The following USO1 variants were observed in gnomAD, a reference collection of about 807,000 sequenced individuals.
USO1 encodes the protein general vesicular transport factor p115.
USO1 carries 57 observed loss-of-function variants against 124.5 expected under a neutral mutation model. The observed-to-expected ratio is 0.46, with a 90% CI of 0.37 to 0.57. The LOEUF is 0.57. Ranked by LOEUF, USO1 falls within the 20% of genes least tolerant of loss-of-function variation. The pLI is 0.00. For synonymous variants in USO1, 369 were observed against 362.8 expected, an observed-to-expected ratio of 1.02 and a Z score of -0.19; for missense variants, 900 against 1,040.6, an observed-to-expected ratio of 0.86 and a Z score of 1.86.
At chr4:75,730,282 A>T (rs1437251641) in intron 1 of USO1, among the ~76,000 whole-genome samples, 1 of 152,210 alleles carries the variant, frequency 6.6e-6, no homozygotes, top group African/African-American at 2.4e-5. Context: ...ATTTGAATAG[A>T]TGTCCATGAA....
chr4:75,806,993 G>A lies in USO1; in HGVS notation c.2376+421G>A, dbSNP rs964865797. ...TTTAGAATTGGAAAAGAGAAGAAAG[G>A]TAAACTTACCTATATCTCAATTAAA... On this transcript the variant is annotated intron_variant, in intron 20 of 23. Transcript: ENST00000514213. 2.6e-5 allele frequency among the ~76,000 whole-genome samples: 4 copies of A among 152,004 alleles called. No homozygotes were observed. The East Asian group carries it at 5.8e-4, about 22-fold the overall frequency.
intron 1 of USO1, among the ~76,000 whole-genome samples, chr4:75,728,125 C>G (rs1198955954): frequency 6.6e-6 from 1 of 152,100 alleles, no homozygotes; most frequent in East Asian, 1.9e-4. Flanking sequence ...TTTTTAAAGA[C>G]TAGAAACTGA....
rs1230585646 is a variant in USO1 at position 75,738,131 on chromosome 4, C to CTAATA, written c.66+13247_66+13251dup. Among the ~76,000 whole-genome samples the CTAATA allele has an allele frequency of 2.0e-5, 3 of 151,376 alleles. No homozygotes were observed. The East Asian group carries it at 5.9e-4, about 30-fold the overall frequency. On this transcript the variant is annotated intron_variant, in intron 1 of 23. Transcript: ENST00000514213. ...TATAGGTATGAGTCATTGGGCCTGG[C>CTAATA]TAATACACTATTATTTTTTAAAATT...
chr4:75,728,830 G>A (rs991315024), intron 1 of USO1, among the ~76,000 whole-genome samples: 8 of 151,980 alleles, frequency 5.3e-5, no homozygotes, highest in Non-Finnish European at 8.8e-5. Context: ...ACAGAGTCTC[G>A]CTCTGTGGCC....
chr4:75,783,718 T>G (rs1220819672), intron 9 of USO1, among the ~76,000 whole-genome samples: 1 of 152,184 alleles, frequency 6.6e-6, no homozygotes, highest in Non-Finnish European at 1.5e-5. Flanking sequence ...ATTAGGGTAA[T>G]CTGTGTCCCA....
rs940850365 is a variant in USO1 at position 75,772,823 on chromosome 4, G to A, written c.555+1686G>A. Reference sequence around the variant, plus strand: ...AAAAAATAACTGCATTAGGCCAGGCGTGGTGGCTTATATCTGTAATCCCAG... The same window carrying A: ...AAAAAATAACTGCATTAGGCCAGGCATGGTGGCTTATATCTGTAATCCCAG... On this transcript the variant is annotated intron_variant, in intron 7 of 23. Transcript: ENST00000514213. 1.6e-4 allele frequency among the ~76,000 whole-genome samples: 25 copies of A among 152,052 alleles called. No homozygotes were observed. In the East Asian group the frequency reaches 1.7e-3, roughly 11 times the overall value.
intron 20 of USO1, among the ~76,000 whole-genome samples, chr4:75,807,741 C>A (rs1723037066): frequency 1.3e-5 from 2 of 152,090 alleles, no homozygotes; most frequent in Non-Finnish European, 2.9e-5. Context: ...TAATATATAG[C>A]CTTAGTTTGT....
intron 4 of USO1, among the ~76,000 whole-genome samples, chr4:75,767,809 T>C (rs1408911618): frequency 2.6e-5 from 4 of 152,262 alleles, no homozygotes; most frequent in African/African-American, 9.6e-5. Flanking sequence ...ACTTTGTTGC[T>C]CAGAATTGTT....
chr4:75,739,705 C>T (rs888806380), intron 1 of USO1, among the ~76,000 whole-genome samples: 1 of 151,756 alleles, frequency 6.6e-6, no homozygotes, highest in Non-Finnish European at 1.5e-5. Flanking sequence ...CTCCACCACA[C>T]TCAGCTAGTT....
At chr4:75,790,911 G>C in intron 12 of USO1, 114 bp downstream of exon 12, 2 of 928,208 alleles carry the variant, frequency 2.2e-6, no homozygotes, top group Non-Finnish European at 2.8e-6. Context: ...GCTTAGGAGA[G>C]AAAAAAAAAA....
intron 8 of USO1, 125 bp from the exon 9 acceptor site, chr4:75,782,555 C>A: frequency 7.9e-7 from 1 of 1,271,500 alleles, no homozygotes; most frequent in African/African-American, 1.5e-5. Context: ...TCAGAGCAGA[C>A]TGTCTATCTG....
intron 1 of USO1, among the ~76,000 whole-genome samples, chr4:75,730,210 T>C (rs1720589994): frequency 6.6e-6 from 1 of 152,232 alleles, no homozygotes; most frequent in African/African-American, 2.4e-5. Flanking sequence ...ATAGGGTTCA[T>C]TTAAAAGTTA....
At chr4:75,769,851 A>T (rs1721871568) in intron 4 of USO1, among the ~76,000 whole-genome samples, 1 of 151,988 alleles carries the variant, frequency 6.6e-6, no homozygotes, top group Non-Finnish European at 1.5e-5. Flanking sequence ...GAGAAATTAG[A>T]TGTCAAATTC....
intron 3 of USO1, 29 bp downstream of exon 3, chr4:75,752,633 C>A: frequency 2.5e-6 from 1 of 398,224 alleles, no homozygotes; most frequent in South Asian, 1.3e-4. Flanking sequence ...ATTTTTTTCC[C>A]TAATTTTTCT....
chr4:75,806,390 C>T (rs1219587130), intron 19 of USO1, 96 bp from the exon 20 acceptor site: 13 of 1,443,870 alleles, frequency 9.0e-6, no homozygotes, highest in Middle Eastern at 2.4e-4. Flanking sequence ...TTTTGGTAAG[C>T]ACATATGATA....
At chr4:75,742,473 A>G (rs1300449414) in intron 1 of USO1, among the ~76,000 whole-genome samples, 3 of 152,170 alleles carry the variant, frequency 2.0e-5, no homozygotes, top group Non-Finnish European at 2.9e-5. Flanking sequence ...GTTTCAAACA[A>G]ATAGGCTGAG....
intron 17 of USO1, among the ~76,000 whole-genome samples, chr4:75,803,420 G>A (rs991863569): frequency 4.0e-5 from 6 of 151,880 alleles, no homozygotes; most frequent in Non-Finnish European, 5.9e-5. Context: ...GGCTGAGACC[G>A]GTGGATCACC....
intron 9 of USO1, 113 bp from the exon 10 acceptor site, chr4:75,786,949 C>A: frequency 7.9e-7 from 1 of 1,258,302 alleles, no homozygotes; most frequent in Non-Finnish European, 1.0e-6. Flanking sequence ...CTAAATGTAG[C>A]TAAGCAGCTA....
chr4:75,762,234 A>T (rs1268028067), intron 4 of USO1, among the ~76,000 whole-genome samples: 1 of 133,974 alleles, frequency 7.5e-6, no homozygotes, highest in East Asian at 2.3e-4. Context: ...GCAGTGGCAC[A>T]GTCTCGGCTC....
Sources: gnomAD v4.1 joint callset for allele counts (sites outside exome capture counted in the v4.1 genomes callset) on GRCh38, gnomAD v4.1.1 for gene constraint, MANE v1.5 for transcripts, NCBI Gene and HGNC (gene_info 2026-07-23, HGNC 2026-07-21) for gene names.